The following EYA4 variants were observed in gnomAD, a reference collection of about 807,000 sequenced individuals.
EYA4 encodes protein phosphatase EYA4.
In EYA4, 31 loss-of-function variants were observed where a neutral mutation model predicts 87.9. The observed-to-expected ratio is 0.35, with a 90% CI of 0.27 to 0.48. The LOEUF (loss-of-function observed/expected upper bound fraction) is 0.48, where lower values mean the gene tolerates loss of function less well. Ranked by LOEUF, EYA4 falls within the 20% of genes least tolerant of loss-of-function variation. The pLI, the probability that EYA4 is intolerant of heterozygous loss-of-function variation, is 0.99. For missense variants in EYA4, 678 were observed against 761.4 expected, an observed-to-expected ratio of 0.89 and a Z score of 1.29; for synonymous variants, 263 against 270.6, an observed-to-expected ratio of 0.97 and a Z score of 0.28.
intron 2 of EYA4, among the ~76,000 whole-genome samples, chr6:133,289,140 G>GT (rs1173113152): frequency 6.6e-6 from 1 of 152,186 alleles, no homozygotes; most frequent in Non-Finnish European, 1.5e-5. Context: ...ACTTCAAGTT[G>GT]TTGCAGAAGG....
intron 2 of EYA4, among the ~76,000 whole-genome samples, chr6:133,323,773 A>T (rs1191347536): frequency 6.6e-6 from 1 of 152,190 alleles, no homozygotes; most frequent in Non-Finnish European, 1.5e-5. Context: ...GTGGTCAAAA[A>T]TAATAAAGAA....
intron 3 of EYA4, among the ~76,000 whole-genome samples, chr6:133,442,609 A>G (rs1011684039): frequency 6.6e-6 from 1 of 152,120 alleles, no homozygotes; most frequent in African/African-American, 2.4e-5. Context: ...TCTATAAACA[A>G]TTAAATCATT....
At chr6:133,407,453 C>T (rs919815171) in intron 3 of EYA4, among the ~76,000 whole-genome samples, 12 of 152,054 alleles carry the variant, frequency 7.9e-5, no homozygotes, top group African/African-American at 2.9e-4. Flanking sequence ...CACTCACCCC[C>T]GCCTTCCTTG....
At chr6:133,281,816 T>C (rs1464401935) in intron 2 of EYA4, among the ~76,000 whole-genome samples, 5 of 152,138 alleles carry the variant, frequency 3.3e-5, no homozygotes, top group Non-Finnish European at 7.4e-5. Flanking sequence ...TTTCTGTCTC[T>C]ATGTCCATGT....
chr6:133,345,965 C>T (rs144526166), intron 2 of EYA4, among the ~76,000 whole-genome samples: 217 of 152,222 alleles, frequency 1.4e-3, no homozygotes, highest in African/African-American at 4.9e-3. Flanking sequence ...AAGACTTGAT[C>T]GTGGGCAGAC....
chr6:133,253,198 G>C (rs1189865931), intron 1 of EYA4, among the ~76,000 whole-genome samples: 1 of 152,118 alleles, frequency 6.6e-6, no homozygotes, highest in East Asian at 1.9e-4. Flanking sequence ...CGTTCTCGGG[G>C]AGTGTTGCGG....
chr6:133,262,646 A>G (rs1775888179), intron 1 of EYA4, among the ~76,000 whole-genome samples: 1 of 152,248 alleles, frequency 6.6e-6, no homozygotes, highest in African/African-American at 2.4e-5. Context: ...AAGACTTGCC[A>G]TCAAATGAAC....
intron 2 of EYA4, among the ~76,000 whole-genome samples, chr6:133,334,233 A>G (rs6930942): frequency 0.27 from 40,583 of 152,102 alleles, 7,054 homozygotes; most frequent in East Asian, 0.49. Context: ...CATCTTTTTT[A>G]AAAAATCCGA....
intron 2 of EYA4, among the ~76,000 whole-genome samples, chr6:133,357,973 C>T (rs1192089498): frequency 1.3e-5 from 2 of 151,566 alleles, no homozygotes; most frequent in African/African-American, 4.9e-5. Context: ...TCTGTTTAGG[C>T]CCTGTTTATC....
chr6:133,529,426 G>A lies in EYA4; in HGVS notation c.*621G>A. ...ATAATATTGTCTCTTTTTTAAGTTT[G>A]GCAAACAGAATGTTCATACTGATGT... is the stretch of plus-strand genomic sequence containing the variant. On this transcript the variant is annotated 3_prime_UTR_variant, in exon 20 of 20. Transcript: ENST00000355286. 1.0e-6 allele frequency: 1 copy of A among 990,134 alleles called. No individual in the cohort carries two copies. The highest frequency in any genetic ancestry group is 1.2e-6 in the Non-Finnish European group (1 of 832,488). The allele number at this position is 990,134 out of a possible 1,614,324, so 61.3% of individuals were successfully genotyped here.
chr6:133,530,050 C>A lies in EYA4; in HGVS notation c.*1245C>A. ...AATGCCATGGCAAAAATGATAATATCATCAGAAATGGAAGGCAGTTCTCCC... is the reference window on the plus strand; with the variant it reads ...AATGCCATGGCAAAAATGATAATATAATCAGAAATGGAAGGCAGTTCTCCC... On this transcript the variant is annotated 3_prime_UTR_variant, in exon 20 of 20. Transcript: ENST00000355286. 1 of 984,914 alleles carries A rather than the reference C, an allele frequency of 1.0e-6. No individual in the cohort carries two copies. The highest frequency in any genetic ancestry group is 1.2e-6 in the Non-Finnish European group (1 of 829,548). 61.0% of individuals were successfully genotyped at this position (984,914 alleles called of 1,614,324 possible). A position where few individuals can be genotyped will look rare whatever the true frequency, so the allele number is the denominator to read the frequency against.
Position 133,527,970 on chromosome 6 carries a change from T to C in EYA4, c.1840-755T>C, listed in dbSNP as rs73546861. On this transcript the variant is annotated intron_variant, in intron 19 of 19. Coordinates refer to ENST00000355286, the MANE Select transcript of EYA4 (RefSeq NM_004100.5). Reference sequence around the variant, plus strand: ...TTTCTAATTACTCCCTTTCATGAAATTTTAATGTCACATATGTACTGTATA... The same window carrying C: ...TTTCTAATTACTCCCTTTCATGAAACTTTAATGTCACATATGTACTGTATA... Among the ~76,000 whole-genome samples, 50 of 152,288 alleles carry C rather than the reference T, an allele frequency of 3.3e-4. 1 individual carries two copies. The highest frequency in any genetic ancestry group is 1.2e-3 in the African/African-American group (50 of 41,562).
At chr6:133,415,680 A>G (rs190108723) in intron 3 of EYA4, among the ~76,000 whole-genome samples, 58 of 152,338 alleles carry the variant, frequency 3.8e-4, no homozygotes, top group African/African-American at 1.2e-3. Context: ...CTTAGTTATT[A>G]AAGATGTGGG....
intron 2 of EYA4, among the ~76,000 whole-genome samples, chr6:133,279,637 A>G (rs1777460560): frequency 6.6e-6 from 1 of 152,138 alleles, no homozygotes; most frequent in African/African-American, 2.4e-5. Flanking sequence ...TTAAAATTCT[A>G]GAGCTAGTTT....
intron 3 of EYA4, among the ~76,000 whole-genome samples, chr6:133,434,518 G>A (rs1791476334): frequency 6.6e-6 from 1 of 152,050 alleles, no homozygotes; most frequent in Admixed American, 6.6e-5. Context: ...GCCTTCCAGA[G>A]GATATTATTA....
At chr6:133,472,917 C>T (rs1795397785) in intron 11 of EYA4, among the ~76,000 whole-genome samples, 1 of 150,620 alleles carries the variant, frequency 6.6e-6, no homozygotes, top group Non-Finnish European at 1.5e-5. Context: ...GGATTGCAAC[C>T]CCTGCCTTTT....
chr6:133,521,815 G>A (rs1800172219), intron 17 of EYA4, among the ~76,000 whole-genome samples: 2 of 118,254 alleles, frequency 1.7e-5, no homozygotes, highest in Admixed American at 8.8e-5. Context: ...GTCCTTTGTA[G>A]GGACATGGAT....
intron 1 of EYA4, among the ~76,000 whole-genome samples, chr6:133,258,196 G>A (rs1191861210): frequency 6.6e-6 from 1 of 152,066 alleles, no homozygotes; most frequent in East Asian, 1.9e-4. Flanking sequence ...GAGATGCCTG[G>A]GGCATAGAGT....
intron 2 of EYA4, among the ~76,000 whole-genome samples, chr6:133,344,099 A>T (rs1783018238): frequency 6.6e-6 from 1 of 150,858 alleles, no homozygotes; most frequent in African/African-American, 2.4e-5. Flanking sequence ...GTGAAGATGG[A>T]GACAGCAACC....
Sources: gnomAD v4.1 joint callset for allele counts (sites outside exome capture counted in the v4.1 genomes callset) on GRCh38, gnomAD v4.1.1 for gene constraint, MANE v1.5 for transcripts, NCBI Gene and HGNC (gene_info 2026-07-23, HGNC 2026-07-21) for gene names.